CAST: variants seen among roughly 807,000 people sequenced by gnomAD.
CAST encodes the protein MIR583 host.
In CAST, 76 loss-of-function variants were observed where a neutral mutation model predicts 119.6. That is an observed-to-expected ratio of 0.64 (90% CI 0.53 to 0.77). CAST has a LOEUF of 0.77. Among genes scored for constraint, CAST ranks in the 30% least tolerant of loss-of-function variants. The pLI is 0.00. For missense variants in CAST, 953 were observed against 946.5 expected (o/e 1.01, Z -0.09); for synonymous variants, 319 against 331.6 (o/e 0.96, Z 0.41).
At chr5:96,517,448 A>G in the CAST span, among the ~76,000 whole-genome samples, 1 of 152,232 alleles carries the variant, frequency 6.6e-6, no homozygotes, top group South Asian at 2.1e-4. Context: ...TGCAAGTGTC[A>G]CCGTGGAGAC....
At chr5:96,369,419 G>C in the CAST span, among the ~76,000 whole-genome samples, 2 of 152,174 alleles carry the variant, frequency 1.3e-5, no homozygotes, top group East Asian at 3.9e-4. Flanking sequence ...CAGATTCATG[G>C]CTGAAGTTTA....
chr5:96,662,653 G>GGCAGGTGGCTGCAGGTGGCT (rs80310955), intron 1 of CAST, among the ~76,000 whole-genome samples, 156 bp downstream of exon 1: 32 of 151,714 alleles, frequency 2.1e-4, no homozygotes, highest in Middle Eastern at 3.2e-3. Flanking sequence ...GCCGCTGCCA[G>GGCAGGTGGCTGCAGGTGGCT]GCAGGTGGCT....
chr5:96,326,751 C>G, the CAST span, among the ~76,000 whole-genome samples: 1 of 130,584 alleles, frequency 7.7e-6, no homozygotes, highest in East Asian at 2.3e-4. Context: ...ATCTGGCACA[C>G]AGCAGATTCT....
intron 1 of CAST, among the ~76,000 whole-genome samples, chr5:96,539,211 G>A (rs1295379815): frequency 6.6e-6 from 1 of 152,088 alleles, no homozygotes; most frequent in Non-Finnish European, 1.5e-5. Context: ...GAGAAAAACC[G>A]AAAAACTTAA....
At chr5:96,193,340 A>T in the CAST span, among the ~76,000 whole-genome samples, 5 of 143,564 alleles carry the variant, frequency 3.5e-5, no homozygotes, top group African/African-American at 1.5e-4. Context: ...TCCTGCTGGG[A>T]ACTGTAGAGA....
At chr5:96,553,416 T>A (rs1244688630) in intron 1 of CAST, among the ~76,000 whole-genome samples, 1 of 152,196 alleles carries the variant, frequency 6.6e-6, no homozygotes, top group Non-Finnish European at 1.5e-5. Context: ...TATCTCAACA[T>A]AATAAGAGCT....
At chr5:96,115,986 A>G in the CAST span, among the ~76,000 whole-genome samples, 1 of 151,076 alleles carries the variant, frequency 6.6e-6, no homozygotes, top group Non-Finnish European at 1.5e-5. Context: ...TCTTTGAAGT[A>G]TACAGTTTAA....
chr5:96,606,726 A>G (rs1747263748), intron 1 of CAST, among the ~76,000 whole-genome samples: 1 of 152,188 alleles, frequency 6.6e-6, no homozygotes, highest in South Asian at 2.1e-4. Context: ...GTTTTTGACC[A>G]TGGGAAGGTT....
the CAST span, among the ~76,000 whole-genome samples, chr5:96,268,597 A>T: frequency 6.6e-6 from 1 of 152,146 alleles, no homozygotes; most frequent in Non-Finnish European, 1.5e-5. Context: ...TCCTATCTTT[A>T]AAAAATAAAA....
the CAST span, among the ~76,000 whole-genome samples, chr5:96,434,850 T>TAG: frequency 6.6e-6 from 1 of 152,194 alleles, no homozygotes; most frequent in Non-Finnish European, 1.5e-5. Context: ...CTACATAATT[T>TAG]CTTTAAACAT....
At chr5:96,349,139 A>T in the CAST span, among the ~76,000 whole-genome samples, 634 of 89,524 alleles carry the variant, frequency 7.1e-3, no homozygotes, top group African/African-American at 9.4e-3. Flanking sequence ...CAAGGACACT[A>T]TTTTTTTTTT....
chr5:96,057,791 G>A, the CAST span, among the ~76,000 whole-genome samples: 989 of 152,238 alleles, frequency 6.5e-3, 10 homozygotes, highest in African/African-American at 0.022. Flanking sequence ...TGCATGAAAT[G>A]TTGTCACATC....
the CAST span, among the ~76,000 whole-genome samples, chr5:96,119,159 A>G: frequency 0.24 from 36,555 of 152,132 alleles, 5,599 homozygotes; most frequent in Non-Finnish European, 0.33. Flanking sequence ...ATTATTGGAA[A>G]TAGACAAAAG....
At chr5:96,510,106 T>C in the CAST span, among the ~76,000 whole-genome samples, 4 of 152,194 alleles carry the variant, frequency 2.6e-5, no homozygotes, top group Admixed American at 1.3e-4. Context: ...AGATTTATAG[T>C]TGTGATTATC....
intron 15 of CAST, 36 bp from the exon 16 acceptor site, chr5:96,742,619 T>C (rs1223258584): frequency 2.3e-6 from 3 of 1,301,684 alleles, no homozygotes; most frequent in Non-Finnish European, 3.3e-6. Flanking sequence ...TCCAGAGATG[T>C]CTTTTTTCAT....
chr5:96,370,977 C>G, the CAST span, among the ~76,000 whole-genome samples: 27 of 152,054 alleles, frequency 1.8e-4, no homozygotes, highest in Non-Finnish European at 2.6e-4. Context: ...CTTCCAATTC[C>G]GGGTACCTAT....
the CAST span, among the ~76,000 whole-genome samples, chr5:96,044,401 G>A: frequency 1.3e-5 from 2 of 152,166 alleles, no homozygotes; most frequent in South Asian, 4.1e-4. Context: ...ACAGCTAGAA[G>A]ATCTATAAAA....
chr5:96,406,912 A>C, the CAST span, among the ~76,000 whole-genome samples: 4 of 152,248 alleles, frequency 2.6e-5, no homozygotes, highest in Non-Finnish European at 5.9e-5. Flanking sequence ...ATGAGGACAC[A>C]TAAAAAGCTG....
the CAST span, among the ~76,000 whole-genome samples, chr5:96,106,606 G>C: frequency 6.8e-6 from 1 of 147,068 alleles, no homozygotes; most frequent in Non-Finnish European, 1.5e-5. Flanking sequence ...TATAATTTCT[G>C]TTCTTTTACA....
Sources: allele counts gnomAD v4.1 joint callset (sites outside exome capture counted in the v4.1 genomes callset), GRCh38; gene constraint gnomAD v4.1.1; transcripts MANE v1.5; gene names NCBI Gene and HGNC (gene_info 2026-07-23, HGNC 2026-07-21).